ABCC9: variants seen among roughly 807,000 people sequenced by gnomAD.
The protein encoded by ABCC9 is ATP binding cassette subfamily C member 9, also known as ATP-binding cassette sub-family C member 9.
In ABCC9, 95 loss-of-function variants were observed where a neutral mutation model predicts 188.3. The observed-to-expected ratio is 0.50, with a 90% CI of 0.43 to 0.60. ABCC9 has a LOEUF of 0.60. Among genes scored for constraint, ABCC9 ranks in the 20% least tolerant of loss-of-function variants. The pLI, the probability that ABCC9 is intolerant of heterozygous loss-of-function variation, is 0.00. For synonymous variants in ABCC9, 659 were observed against 652.7 expected (o/e 1.01, Z -0.15); for missense variants, 1,102 against 1,876.3 (o/e 0.59, Z 7.62).
chr12:21,871,568 A>G (rs1018607085), intron 18 of ABCC9, among the ~76,000 whole-genome samples: 7 of 152,188 alleles, frequency 4.6e-5, no homozygotes, highest in African/African-American at 1.7e-4. Flanking sequence ...TTCTTGAGAG[A>G]TGTCTGTGTA....
In ABCC9 at chr12:21,802,395, T is replaced by C. The variant is rs57686151; in HGVS notation, c.4513-1214A>G. On this transcript the variant is annotated intron_variant, in intron 39 of 39. Transcript: ENST00000261200. ...TCAGTATTGTTCAATAGAAGTATAATGGGAGCCACAAGTAATTTTAAATTT... is the reference window on the plus strand; with the variant it reads ...TCAGTATTGTTCAATAGAAGTATAACGGGAGCCACAAGTAATTTTAAATTT... Among the ~76,000 whole-genome samples the C allele has an allele frequency of 6.0e-3, 878 of 147,486 alleles. 12 individuals carry two copies. Among genetic ancestry groups the C allele is most frequent in the African/African-American group, 0.02 (823 of 41,262 alleles).
intron 30 of ABCC9, among the ~76,000 whole-genome samples, 160 bp from the exon 31 acceptor site, chr12:21,829,220 C>G (rs529252300): frequency 0.031 from 304 of 9,822 alleles, 5 homozygotes; most frequent in Middle Eastern, 0.11. Flanking sequence ...TTTTTTTTTT[C>G]AGATGGAGTC....
At chr12:21,904,138 A>G (rs1947914584) in intron 12 of ABCC9, among the ~76,000 whole-genome samples, 1 of 150,430 alleles carries the variant, frequency 6.6e-6, no homozygotes, top group South Asian at 2.1e-4. Context: ...ATCTGCAACC[A>G]TCTGATCTTT....
At chr12:21,898,544 T>G (rs1194846950) in intron 12 of ABCC9, among the ~76,000 whole-genome samples, 1 of 152,210 alleles carries the variant, frequency 6.6e-6, no homozygotes, top group East Asian at 1.9e-4. Context: ...GCCAAATATT[T>G]TCTCTAAATC....
intron 4 of ABCC9, among the ~76,000 whole-genome samples, chr12:21,927,660 G>T (rs191304035): frequency 6.6e-6 from 1 of 152,088 alleles, no homozygotes; most frequent in Non-Finnish European, 1.5e-5. Context: ...AATAAGTTTC[G>T]CCAGACATTT....
chr12:21,868,525 G>C (rs965740935), intron 18 of ABCC9, among the ~76,000 whole-genome samples: 2 of 152,128 alleles, frequency 1.3e-5, no homozygotes, highest in African/African-American at 4.8e-5. Context: ...TGTAGTCTCA[G>C]CTACTCAGGA....
intron 16 of ABCC9, 56 bp downstream of exon 16, chr12:21,882,710 T>C (rs1309364708): frequency 6.8e-7 from 1 of 1,460,264 alleles, no homozygotes; most frequent in Non-Finnish European, 9.6e-7. Context: ...AACTTCACCA[T>C]AAAATAGTAA....
In ABCC9 at chr12:21,805,251, CTA is replaced by C. The variant is rs778425119; in HGVS notation, c.4512+745_4512+746del. ...AAATTTGGGACAGTATCACACTCCA[CTA>C]AAATACCCTCAGAAAAGACTAAAAC... On this transcript the variant is annotated intron_variant, in intron 39 of 39. Coordinates refer to ENST00000261200, the MANE Select transcript of ABCC9 (RefSeq NM_020297.4). 1,057 of 1,614,012 alleles carry C rather than the reference CTA, an allele frequency of 6.5e-4. No homozygotes were observed. Among genetic ancestry groups the C allele is most frequent in the Non-Finnish European group, 8.0e-4 (946 of 1,179,960 alleles).
chr12:21,815,511 A>G (rs1942548989), intron 34 of ABCC9, among the ~76,000 whole-genome samples: 1 of 152,298 alleles, frequency 6.6e-6, no homozygotes, highest in Middle Eastern at 3.4e-3. Context: ...GAAGACAGAA[A>G]TTTTTAAAAA....
intron 31 of ABCC9, among the ~76,000 whole-genome samples, chr12:21,822,564 T>C (rs1200086930): frequency 2.0e-5 from 3 of 151,788 alleles, no homozygotes; most frequent in Admixed American, 6.6e-5. Context: ...CTTTGGGAGG[T>C]CAAGGCGGTC....
In ABCC9 at chr12:21,806,519, GTTATAA is replaced by G. The variant is rs538464697; in HGVS notation, c.4450-465_4450-460del. On this transcript the variant is annotated intron_variant, in intron 38 of 39. Coordinates refer to ENST00000261200, the MANE Select transcript of ABCC9 (RefSeq NM_020297.4). ...GTTTTTATCTCCACCACAAAGCACT[GTTATAA>G]TTATATTTTAAAGGCTGTTCTGGGT... 4.3e-4 allele frequency among the ~76,000 whole-genome samples: 66 copies of G among 152,272 alleles called. 1 individual carries two copies. Among genetic ancestry groups the G allele is most frequent in the African/African-American group, 1.3e-3 (55 of 41,550 alleles).
chr12:21,803,205 A>G (rs1941586427), intron 39 of ABCC9, among the ~76,000 whole-genome samples: 1 of 152,202 alleles, frequency 6.6e-6, no homozygotes. Context: ...AAGCTATCCA[A>G]TAATATCTGC....
At chr12:21,935,780 A>G (rs962150774) in intron 3 of ABCC9, among the ~76,000 whole-genome samples, 4 of 152,088 alleles carry the variant, frequency 2.6e-5, no homozygotes, top group Admixed American at 6.6e-5. Context: ...ATGGATATTT[A>G]TTATATTAAT....
At chr12:21,936,070 C>T (rs1218011122) in intron 3 of ABCC9, among the ~76,000 whole-genome samples, 1 of 152,122 alleles carries the variant, frequency 6.6e-6, no homozygotes, top group Non-Finnish European at 1.5e-5. Flanking sequence ...TCCCCACCAC[C>T]TCCAAAGAGT....
At chr12:21,807,512 A>G (rs1302114117) in intron 37 of ABCC9, 33 bp from the exon 38 acceptor site, 1 of 1,613,322 alleles carries the variant, frequency 6.2e-7, no homozygotes, top group Admixed American at 1.7e-5. Flanking sequence ...GATTTCACTA[A>G]AGAAATGCTA....
chr12:21,826,967 T>C lies in ABCC9; in HGVS notation c.3669+1991A>G, dbSNP rs372221054. On this transcript the variant is annotated intron_variant, in intron 31 of 39. Transcript: ENST00000261200. ...ATACACAGAAAGCAAGGAGAAGACA[T>C]AGTAACAAATGCATTACAAAGTAAC... Among the ~76,000 whole-genome samples the C allele has an allele frequency of 8.5e-5, 13 of 152,264 alleles. No individual in the cohort carries two copies. The East Asian group carries it at 2.1e-3, about 25-fold the overall frequency.
chr12:21,824,501 C>A (rs1943248920), intron 31 of ABCC9, among the ~76,000 whole-genome samples: 2 of 152,154 alleles, frequency 1.3e-5, no homozygotes, highest in South Asian at 4.1e-4. Context: ...TGATGCTGGC[C>A]TCATAAAATG....
At chr12:21,862,241 T>A (rs925095575) in intron 20 of ABCC9, among the ~76,000 whole-genome samples, 24 of 152,142 alleles carry the variant, frequency 1.6e-4, no homozygotes, top group African/African-American at 5.8e-4. Context: ...CATATGTGAA[T>A]CTGTATATAT....
chr12:21,884,944 A>G (rs1390869570), intron 15 of ABCC9, among the ~76,000 whole-genome samples: 1 of 152,198 alleles, frequency 6.6e-6, no homozygotes, highest in African/African-American at 2.4e-5. Context: ...ACACCTACAT[A>G]TAAAATGTAC....
Sources: gnomAD v4.1 joint callset for allele counts (sites outside exome capture counted in the v4.1 genomes callset) on GRCh38, gnomAD v4.1.1 for gene constraint, MANE v1.5 for transcripts, NCBI Gene and HGNC (gene_info 2026-07-23, HGNC 2026-07-21) for gene names.